The following UGT3A1 variants were observed in gnomAD, a reference collection of about 807,000 sequenced individuals.
UGT3A1 encodes the protein UDP-glycosyltransferase 3A1.
Under a neutral mutation model 37.6 loss-of-function variants are expected in UGT3A1, and 40 were observed. The ratio of observed to expected loss-of-function variants is 1.06; its 90% CI spans 0.83 to 1.38. The LOEUF (loss-of-function observed/expected upper bound fraction) is 1.38, where lower values mean the gene tolerates loss of function less well. Ranked by LOEUF, UGT3A1 falls within the 40% of genes most tolerant of loss-of-function variation. UGT3A1 has a pLI of 0.00. For missense variants in UGT3A1, 642 were observed against 634.2 expected (o/e 1.01, Z -0.13); for synonymous variants, 256 against 232.3 (o/e 1.10, Z -0.93).
chr5:35,970,672 G>C (rs761276878), intron 2 of UGT3A1, among the ~76,000 whole-genome samples: 7 of 152,156 alleles, frequency 4.6e-5, no homozygotes, highest in Middle Eastern at 3.4e-3. Flanking sequence ...CTTAGAATTG[G>C]CTTAACAAAA....
chr5:35,955,692 T>C lies in UGT3A1; in HGVS notation c.1248A>G (p.Thr416=). Reference sequence around the variant, plus strand: ...TCATTGTAAGTGTCAGTGTGTCGGCTGTGACCTGATTCAACCGGATAGAGA... The same window carrying C: ...TCATTGTAAGTGTCAGTGTGTCGGCCGTGACCTGATTCAACCGGATAGAGA... ...YGVSIRLNQV[T]ADTLTLTMKQ... The change falls in exon 6 of 7, where the codon ACA becomes ACG. Residue 416 remains threonine (T), a synonymous_variant. Coordinates refer to ENST00000274278, the MANE Select transcript of UGT3A1 (RefSeq NM_152404.4). 2.5e-6 allele frequency: 4 copies of C among 1,614,244 alleles called. No individual in the cohort carries two copies. The highest frequency in any genetic ancestry group is 3.4e-6 in the Non-Finnish European group (4 of 1,180,042).
chr5:35,973,026 A>G (rs922420187), intron 2 of UGT3A1, among the ~76,000 whole-genome samples: 4 of 152,204 alleles, frequency 2.6e-5, no homozygotes, highest in Admixed American at 6.5e-5. Flanking sequence ...GGCAATGATC[A>G]GGAAAGGAGA....
In UGT3A1 at chr5:35,951,124, T is replaced by C. The variant is rs768521282; in HGVS notation, c.*3078A>G. 6.6e-6 allele frequency: 1 copy of C among 152,170 alleles called. No homozygotes were observed. The highest frequency in any genetic ancestry group is 1.5e-5 in the Non-Finnish European group (1 of 67,996). The allele number at this position is 152,170 out of a possible 1,614,324, so 9.4% of individuals were successfully genotyped here. ...CACTACAGTATAGTTACATTTTCAT[T>C]TGGAAAAAATTGATTTCATTTGTTT... On this transcript the variant is annotated 3_prime_UTR_variant, in exon 7 of 7. Coordinates refer to ENST00000274278, the MANE Select transcript of UGT3A1 (RefSeq NM_152404.4).
At chr5:35,985,752 T>C (rs1479855291) in intron 2 of UGT3A1, among the ~76,000 whole-genome samples, 1 of 152,188 alleles carries the variant, frequency 6.6e-6, no homozygotes, top group Non-Finnish European at 1.5e-5. Flanking sequence ...ACTATGAAAC[T>C]ACTAGAAGAA....
At chr5:35,963,111 T>C (rs1180846186) in intron 4 of UGT3A1, among the ~76,000 whole-genome samples, 1 of 152,204 alleles carries the variant, frequency 6.6e-6, no homozygotes, top group African/African-American at 2.4e-5. Context: ...CACTGTGGTC[T>C]GCACCCGTGA....
intron 1 of UGT3A1, among the ~76,000 whole-genome samples, chr5:36,000,802 T>C (rs1469413848): frequency 1.3e-5 from 2 of 152,242 alleles, no homozygotes; most frequent in Non-Finnish European, 2.9e-5. Flanking sequence ...ACTTAAACTA[T>C]CTGATTTAAT....
chr5:35,991,486 G>T (rs193136742), upstream of UGT3A1: 164 of 1,329,738 alleles, frequency 1.2e-4, 1 homozygote, highest in East Asian at 4.4e-3. Flanking sequence ...CAGTAGGAGG[G>T]GGTTGGTAAC....
chr5:35,964,804 T>C (rs563922023), intron 4 of UGT3A1, among the ~76,000 whole-genome samples: 1 of 152,348 alleles, frequency 6.6e-6, no homozygotes, highest in East Asian at 1.9e-4. Flanking sequence ...GTTCTGAGTC[T>C]GCGCTGTTTG....
chr5:35,952,976 TG>T lies in UGT3A1; in HGVS notation c.*1225del, dbSNP rs1433466966. The T allele has an allele frequency of 6.6e-6, 1 of 152,262 alleles. No homozygotes were observed. The highest frequency in any genetic ancestry group is 2.4e-5 in the African/African-American group (1 of 41,456). The allele number at this position is 152,262 out of a possible 1,614,324, so 9.4% of individuals were successfully genotyped here. On this transcript the variant is annotated 3_prime_UTR_variant, in exon 7 of 7. Coordinates refer to ENST00000274278, the MANE Select transcript of UGT3A1 (RefSeq NM_152404.4). Reference sequence around the variant, plus strand: ...AACAGTTTCATCTTTTGATCTGAATTGTTTCAAGATCTGTTTCACAATTCTA... The same window carrying T: ...AACAGTTTCATCTTTTGATCTGAATTTTTCAAGATCTGTTTCACAATTCTA...
intron 2 of UGT3A1, among the ~76,000 whole-genome samples, chr5:35,983,130 T>C: frequency 6.6e-6 from 1 of 151,684 alleles, no homozygotes; most frequent in East Asian, 1.9e-4. Context: ...TTCTATATAG[T>C]AATGTGAAAA....
chr5:35,996,914 T>C (rs914561518), intron 2 of UGT3A1, among the ~76,000 whole-genome samples: 3 of 152,182 alleles, frequency 2.0e-5, no homozygotes, highest in Non-Finnish European at 4.4e-5. Context: ...ATCCCACTTA[T>C]GGTCTCAGTC....
Position 35,954,200 on chromosome 5 carries a change from CCTCATGT to C in UGT3A1, c.1567_*1del. On this transcript the variant is annotated stop_lost and 3_prime_UTR_variant, in exon 7 of 7. Coordinates refer to ENST00000274278, the MANE Select transcript of UGT3A1 (RefSeq NM_152404.4). ...TCCCCTCACCCAAGGCTACACCTAG[CCTCATGT>C]CTTCTTCACCTTCCTGGCCCCACGC... is the stretch of plus-strand genomic sequence containing the variant. 3 of 1,613,624 alleles carry C rather than the reference CCTCATGT, an allele frequency of 1.9e-6. No homozygotes were observed. Among genetic ancestry groups the C allele is most frequent in the Non-Finnish European group, 2.5e-6 (3 of 1,179,756 alleles).
intron 2 of UGT3A1, among the ~76,000 whole-genome samples, chr5:35,976,440 C>T (rs1740271917): frequency 6.6e-6 from 1 of 152,174 alleles, no homozygotes; most frequent in Non-Finnish European, 1.5e-5. Flanking sequence ...ACTTTCTCTT[C>T]TGGTAAGAAT....
intron 1 of UGT3A1, among the ~76,000 whole-genome samples, chr5:35,989,911 C>T (rs1740870220): frequency 6.6e-6 from 1 of 152,094 alleles, no homozygotes; most frequent in South Asian, 2.1e-4. Context: ...GGTTAAACCC[C>T]GTCTCTACTA....
intron 2 of UGT3A1, 66 bp from the exon 3 acceptor site, chr5:35,968,199 T>A: frequency 1.1e-6 from 1 of 927,728 alleles, no homozygotes; most frequent in African/African-American, 1.7e-5. Flanking sequence ...ATTAGCATGA[T>A]GATATTAAAG....
At position 35,952,060 on chromosome 5, in the gene UGT3A1, C is replaced by G. The variant is rs1388698003; in HGVS notation, c.*2142G>C. On this transcript the variant is annotated 3_prime_UTR_variant, in exon 7 of 7. Coordinates refer to ENST00000274278, the MANE Select transcript of UGT3A1 (RefSeq NM_152404.4). The stretch of plus-strand genomic sequence containing the variant: ...TTGCGATATAGTAAGAAAAATGCTT[C>G]AAAAGAGAATGCAGTGAGCTCCATT... 2 of 152,090 alleles carry G rather than the reference C, an allele frequency of 1.3e-5. No individual in the cohort carries two copies. Among genetic ancestry groups the G allele is most frequent in the African/African-American group, 4.8e-5 (2 of 41,378 alleles). The allele number at this position is 152,090 out of a possible 1,614,324, so 9.4% of individuals were successfully genotyped here. A position where few individuals can be genotyped will look rare whatever the true frequency, so the allele number is the denominator to read the frequency against.
At chr5:35,974,639 G>A (rs988907498) in intron 2 of UGT3A1, among the ~76,000 whole-genome samples, 1 of 152,192 alleles carries the variant, frequency 6.6e-6, no homozygotes, top group Non-Finnish European at 1.5e-5. Context: ...TCTAATTGCA[G>A]CTGCTCTTCC....
intron 4 of UGT3A1, among the ~76,000 whole-genome samples, chr5:35,960,363 C>T (rs1739527607): frequency 1.3e-5 from 2 of 152,204 alleles, no homozygotes; most frequent in South Asian, 2.1e-4. Context: ...AGACTGAGCC[C>T]GGAAATAGAC....
At chr5:35,956,264 A>G (rs1387483139) in intron 5 of UGT3A1, among the ~76,000 whole-genome samples, 1 of 152,262 alleles carries the variant, frequency 6.6e-6, no homozygotes, top group Non-Finnish European at 1.5e-5. Flanking sequence ...AAAGCAAGGA[A>G]TAATAAACCA....
Sources: allele counts gnomAD v4.1 joint callset (sites outside exome capture counted in the v4.1 genomes callset), GRCh38; gene constraint gnomAD v4.1.1; transcripts MANE v1.5; gene names NCBI Gene and HGNC (gene_info 2026-07-23, HGNC 2026-07-21).